Variants in DPP10 observed in about 807,000 individuals in gnomAD.
DPP10 encodes inactive dipeptidyl peptidase 10.
In DPP10, 33 loss-of-function variants were observed where a neutral mutation model predicts 120.9. That is an observed-to-expected ratio of 0.27 (90% CI 0.21 to 0.37). The LOEUF is 0.37. Among genes scored for constraint, DPP10 ranks in the 10% least tolerant of loss-of-function variants. The pLI is 1.00. For missense variants in DPP10, 816 were observed against 942.8 expected, an observed-to-expected ratio of 0.87 and a Z score of 1.76; for synonymous variants, 337 against 326.1, an observed-to-expected ratio of 1.03 and a Z score of -0.36.
intron 3 of DPP10, among the ~76,000 whole-genome samples, chr2:115,370,209 A>G (rs983089081): frequency 2.6e-5 from 4 of 152,090 alleles, no homozygotes; most frequent in Non-Finnish European, 5.9e-5. Context: ...AATCTCTTGT[A>G]GATGACAGAA....
chr2:115,551,991 C>G (rs868485325), intron 5 of DPP10, among the ~76,000 whole-genome samples: 2 of 152,122 alleles, frequency 1.3e-5, no homozygotes, highest in East Asian at 3.9e-4. Flanking sequence ...TAATCTTTCA[C>G]TGATGCCTGT....
chr2:115,327,965 A>C (rs773382073), intron 2 of DPP10, among the ~76,000 whole-genome samples: 1 of 152,046 alleles, frequency 6.6e-6, no homozygotes, highest in Non-Finnish European at 1.5e-5. Context: ...ATTTCAACCC[A>C]TTGACAAGGA....
intron 1 of DPP10, among the ~76,000 whole-genome samples, chr2:114,769,517 G>C (rs754409106): frequency 2.6e-5 from 4 of 152,196 alleles, no homozygotes; most frequent in Non-Finnish European, 5.9e-5. Flanking sequence ...TAGTATGCAT[G>C]AGGAAGCAAG....
intron 1 of DPP10, among the ~76,000 whole-genome samples, chr2:114,849,089 T>A (rs1574336097): frequency 6.6e-6 from 1 of 152,192 alleles, no homozygotes; most frequent in Non-Finnish European, 1.5e-5. Context: ...GATATTGGAA[T>A]AAGTGGAACT....
chr2:115,186,342 G>T (rs992005661), intron 1 of DPP10, among the ~76,000 whole-genome samples: 3 of 152,188 alleles, frequency 2.0e-5, no homozygotes, highest in African/African-American at 7.2e-5. Context: ...ACCAGGAATT[G>T]TGCTAATTGC....
intron 1 of DPP10, among the ~76,000 whole-genome samples, chr2:114,585,669 G>A (rs539184714): frequency 3.1e-4 from 47 of 152,300 alleles, no homozygotes; most frequent in African/African-American, 1.1e-3. Context: ...TTGCTGCAGA[G>A]TGGACATCCG....
At chr2:115,544,644 G>A (rs1164632913) in intron 5 of DPP10, among the ~76,000 whole-genome samples, 2 of 151,924 alleles carry the variant, frequency 1.3e-5, no homozygotes, top group African/African-American at 2.4e-5. Flanking sequence ...TTTAAGTCTG[G>A]CTTATTTTAA....
intron 5 of DPP10, among the ~76,000 whole-genome samples, chr2:115,560,011 T>C (rs1318492636): frequency 6.6e-6 from 1 of 151,992 alleles, no homozygotes; most frequent in East Asian, 1.9e-4. Context: ...CTGTGTGAAC[T>C]AGTAGGGACC....
At chr2:114,827,603 G>T (rs1050499809) in intron 1 of DPP10, among the ~76,000 whole-genome samples, 2 of 152,048 alleles carry the variant, frequency 1.3e-5, no homozygotes, top group African/African-American at 4.8e-5. Flanking sequence ...TTTATTAATT[G>T]TTACTTGCTT....
chr2:114,860,883 C>T (rs1276503819), intron 1 of DPP10, among the ~76,000 whole-genome samples: 3 of 152,140 alleles, frequency 2.0e-5, no homozygotes, highest in Admixed American at 2.0e-4. Context: ...CGAGCTGCTC[C>T]TCTCCAGAGG....
At chr2:114,765,864 C>A (rs898293527) in intron 1 of DPP10, among the ~76,000 whole-genome samples, 3 of 152,110 alleles carry the variant, frequency 2.0e-5, no homozygotes, top group Non-Finnish European at 4.4e-5. Flanking sequence ...CAGTAACAAC[C>A]TCTGGCTCCA....
intron 1 of DPP10, among the ~76,000 whole-genome samples, chr2:115,116,016 C>G (rs183263536): frequency 6.6e-6 from 1 of 152,308 alleles, no homozygotes; most frequent in Admixed American, 6.5e-5. Flanking sequence ...GAAGCATTCT[C>G]TAGCCATTTA....
chr2:114,997,742 A>G (rs2104977385), intron 1 of DPP10, among the ~76,000 whole-genome samples: 1 of 152,292 alleles, frequency 6.6e-6, no homozygotes, highest in South Asian at 2.1e-4. Context: ...TGAAGAAGGA[A>G]GTCTGAAGAG....
chr2:115,764,825 C>A (rs1241048390), intron 12 of DPP10, among the ~76,000 whole-genome samples: 5 of 151,948 alleles, frequency 3.3e-5, no homozygotes, highest in African/African-American at 7.3e-5. Flanking sequence ...AATGTATGAG[C>A]ATGGTAGCAG....
intron 1 of DPP10, among the ~76,000 whole-genome samples, chr2:114,724,832 A>G (rs1701940012): frequency 6.6e-6 from 1 of 152,188 alleles, no homozygotes; most frequent in Non-Finnish European, 1.5e-5. Context: ...GTAGAAAGGG[A>G]GTAACAATTT....
chr2:115,471,778 T>TTTGTTTG (rs1553422780), intron 3 of DPP10, among the ~76,000 whole-genome samples: 2 of 149,618 alleles, frequency 1.3e-5, no homozygotes, highest in Non-Finnish European at 3.0e-5. Flanking sequence ...TCTGTTTTTG[T>TTTGTTTG]TTGTTGTTGT....
intron 1 of DPP10, among the ~76,000 whole-genome samples, chr2:114,797,799 T>G (rs1683846254): frequency 6.6e-6 from 1 of 152,228 alleles, no homozygotes; most frequent in African/African-American, 2.4e-5. Flanking sequence ...ATATAATTCC[T>G]GTGTTCCTTT....
intron 1 of DPP10, among the ~76,000 whole-genome samples, chr2:114,903,337 T>C (rs1193456249): frequency 6.6e-6 from 1 of 152,214 alleles, no homozygotes; most frequent in African/African-American, 2.4e-5. Context: ...TAAATGTATG[T>C]ATAAGCCTTG....
At chr2:114,704,153 T>C (rs940913955) in intron 1 of DPP10, among the ~76,000 whole-genome samples, 2 of 152,158 alleles carry the variant, frequency 1.3e-5, no homozygotes, top group African/African-American at 4.8e-5. Context: ...AAGGACTACA[T>C]GCCCATAAAT....
Sources: gnomAD v4.1 joint callset for allele counts (sites outside exome capture counted in the v4.1 genomes callset) on GRCh38, gnomAD v4.1.1 for gene constraint, MANE v1.5 for transcripts, NCBI Gene and HGNC (gene_info 2026-07-23, HGNC 2026-07-21) for gene names.